Variants in HNF4G observed in about 807,000 individuals in gnomAD.
HNF4G encodes hepatocyte nuclear factor 4 gamma, also known as hepatocyte nuclear factor 4-gamma.
HNF4G carries 21 observed loss-of-function variants against 50.9 expected under a neutral mutation model. That is an observed-to-expected ratio of 0.41 (90% CI 0.29 to 0.59). The LOEUF is 0.59. Ranked by LOEUF, HNF4G falls within the 20% of genes least tolerant of loss-of-function variation. The pLI is 0.26. For missense variants in HNF4G, 527 were observed against 559.4 expected (o/e 0.94, Z 0.58); for synonymous variants, 198 against 185.6 (o/e 1.07, Z -0.54).
chr8:75,458,249 G>T (rs1811767136), intron 1 of HNF4G, among the ~76,000 whole-genome samples: 1 of 151,924 alleles, frequency 6.6e-6, no homozygotes, highest in African/African-American at 2.4e-5. Flanking sequence ...AGATAAGAGA[G>T]GGTTAAATAC....
chr8:75,509,872 T>G (rs1805701729), intron 2 of HNF4G, among the ~76,000 whole-genome samples: 1 of 152,248 alleles, frequency 6.6e-6, no homozygotes, highest in African/African-American at 2.4e-5. Flanking sequence ...ACACTTGGTA[T>G]TAGTAATAAA....
At chr8:75,430,311 C>T (rs1406679980) in intron 1 of HNF4G, among the ~76,000 whole-genome samples, 1 of 152,142 alleles carries the variant, frequency 6.6e-6, no homozygotes, top group Non-Finnish European at 1.5e-5. Flanking sequence ...TTCTTCACTG[C>T]ATACAGCCTA....
At chr8:75,475,136 A>C (rs915118379) in intron 1 of HNF4G, among the ~76,000 whole-genome samples, 12 of 151,876 alleles carry the variant, frequency 7.9e-5, no homozygotes, top group African/African-American at 2.7e-4. Context: ...CAGCCTCCCG[A>C]GTAGCTGAGA....
At chr8:75,519,164 T>C (rs1322454983) in intron 2 of HNF4G, among the ~76,000 whole-genome samples, 1 of 152,230 alleles carries the variant, frequency 6.6e-6, no homozygotes, top group Admixed American at 6.5e-5. Context: ...CCAGTCTCTT[T>C]GCTAAAGCCT....
At chr8:75,445,605 C>T (rs1399175932) in intron 1 of HNF4G, among the ~76,000 whole-genome samples, 2 of 93,180 alleles carry the variant, frequency 2.1e-5, no homozygotes, top group African/African-American at 5.2e-5. Context: ...GATATCACCA[C>T]TGATCCCACA....
In HNF4G at chr8:75,443,084, G is replaced by A. The variant is rs138138733; in HGVS notation, c.-144+34922G>A. ...GGCTCTGCCTTCGAGAATGGGATTA[G>A]TTCCTTTATAACAGAGGCCCTAGAA... On this transcript the variant is annotated intron_variant, in intron 1 of 10. Transcript: ENST00000354370. Among the ~76,000 whole-genome samples the A allele has an allele frequency of 3.8e-3, 580 of 152,276 alleles. 3 individuals are homozygous for A. The highest frequency in any genetic ancestry group is 0.013 in the African/African-American group (561 of 41,566).
At chr8:75,457,148 G>A (rs1811742970) in intron 1 of HNF4G, among the ~76,000 whole-genome samples, 1 of 152,184 alleles carries the variant, frequency 6.6e-6, no homozygotes, top group Non-Finnish European at 1.5e-5. Flanking sequence ...AGCATCTGAA[G>A]CATTCAGAAC....
chr8:75,418,489 C>A (rs1810694470), intron 1 of HNF4G, among the ~76,000 whole-genome samples: 1 of 152,148 alleles, frequency 6.6e-6, no homozygotes, highest in Admixed American at 6.6e-5. Flanking sequence ...GTTCAAACAT[C>A]TAGAATCAAA....
chr8:75,424,909 A>G (rs889926488), intron 1 of HNF4G, among the ~76,000 whole-genome samples: 2 of 152,086 alleles, frequency 1.3e-5, no homozygotes, highest in African/African-American at 2.4e-5. Context: ...GTACATACCT[A>G]GTAATGGGAT....
At chr8:75,456,006 T>C (rs1811711550) in intron 1 of HNF4G, among the ~76,000 whole-genome samples, 1 of 152,176 alleles carries the variant, frequency 6.6e-6, no homozygotes, top group African/African-American at 2.4e-5. Context: ...TTATACGAGC[T>C]TTGCCATTTT....
chr8:75,506,847 T>TCAA (rs35739290), intron 2 of HNF4G, among the ~76,000 whole-genome samples: 32,805 of 151,188 alleles, frequency 0.22, 3,763 homozygotes, highest in East Asian at 0.3. Context: ...TGGCAGATCA[T>TCAA]CAACAACAAC....
intron 2 of HNF4G, among the ~76,000 whole-genome samples, chr8:75,533,872 T>C (rs981995549): frequency 3.3e-5 from 5 of 151,896 alleles, no homozygotes; most frequent in African/African-American, 1.2e-4. Flanking sequence ...GAACATATAA[T>C]CTATTATTGT....
intron 1 of HNF4G, among the ~76,000 whole-genome samples, chr8:75,450,297 T>C (rs1051857487): frequency 1.3e-5 from 2 of 152,232 alleles, no homozygotes; most frequent in Non-Finnish European, 1.5e-5. Flanking sequence ...CTATTGTGAA[T>C]AGTGCTGCAA....
At chr8:75,530,309 T>G (rs115197337) in intron 2 of HNF4G, among the ~76,000 whole-genome samples, 4,648 of 152,116 alleles carry the variant, frequency 0.031, 201 homozygotes, top group African/African-American at 0.098. Flanking sequence ...AACTGGCAAT[T>G]TTTTAGCTGT....
At position 75,472,150 on chromosome 8, in the gene HNF4G, C is replaced by T. The variant is rs539143374; in HGVS notation, c.-143-17939C>T. Among the ~76,000 whole-genome samples the T allele has an allele frequency of 3.9e-5, 6 of 152,284 alleles. No homozygotes were observed. The East Asian group carries it at 7.7e-4, about 20-fold the overall frequency. On this transcript the variant is annotated intron_variant, in intron 1 of 10. Coordinates refer to the HNF4G transcript ENST00000354370. ...ACCTCTTACCACTCCTCTTTCCCAC[C>T]TCCTGTCTTTCCACTTTACTCTTCA... is the stretch of plus-strand genomic sequence containing the variant.
rs1484576010 is a variant in HNF4G, at chr8:75,564,290, C to A, written c.*194C>A. 1 of 538,366 alleles carries A rather than the reference C, an allele frequency of 1.9e-6. No individual in the cohort carries two copies. Among genetic ancestry groups the A allele is most frequent in the Non-Finnish European group, 3.2e-6 (1 of 308,208 alleles). 33.3% of individuals were successfully genotyped at this position (538,366 alleles called of 1,614,324 possible). ...ACTATGTAAAACTTTCACATGCAAC[C>A]AATGTATATCTGAGTTTGAAGATGT... On this transcript the variant is annotated 3_prime_UTR_variant, in exon 10 of 10. Transcript: ENST00000396423.
At chr8:75,491,808 G>A (rs1366700036) in intron 2 of HNF4G, among the ~76,000 whole-genome samples, 2 of 152,176 alleles carry the variant, frequency 1.3e-5, no homozygotes, top group Non-Finnish European at 2.9e-5. Context: ...AATGGGAAAT[G>A]CAAGTCGCTT....
intron 1 of HNF4G, among the ~76,000 whole-genome samples, chr8:75,467,881 C>A (rs545754597): frequency 6.6e-6 from 1 of 152,014 alleles, no homozygotes. Flanking sequence ...GTTGCTAGGA[C>A]GGACTTACAG....
At chr8:75,528,201 T>G (rs565961579) in intron 2 of HNF4G, among the ~76,000 whole-genome samples, 3 of 152,196 alleles carry the variant, frequency 2.0e-5, no homozygotes, top group Non-Finnish European at 2.9e-5. Context: ...CTTATCCATG[T>G]CTTGGTACTA....
Sources: gnomAD v4.1 joint callset for allele counts (sites outside exome capture counted in the v4.1 genomes callset) on GRCh38, gnomAD v4.1.1 for gene constraint, MANE v1.5 for transcripts, NCBI Gene and HGNC (gene_info 2026-07-23, HGNC 2026-07-21) for gene names.